The following TRIM14 variants were observed in gnomAD, a reference collection of about 807,000 sequenced individuals.
TRIM14 encodes tripartite motif containing 14.
In TRIM14, 28 loss-of-function variants were observed where a neutral mutation model predicts 44.5. The observed-to-expected ratio is 0.63, with a 90% confidence interval of 0.47 to 0.86. The LOEUF is 0.86. Ranked by LOEUF, TRIM14 falls within the 40% of genes least tolerant of loss-of-function variation. TRIM14 has a pLI of 0.00. For synonymous variants in TRIM14, 299 were observed against 269.2 expected (o/e 1.11, Z -1.08); for missense variants, 607 against 611.1 (o/e 0.99, Z 0.07).
intron 1 of TRIM14, among the ~76,000 whole-genome samples, chr9:98,112,850 A>G (rs1826902811): frequency 1.3e-5 from 2 of 149,572 alleles, no homozygotes; most frequent in Non-Finnish European, 3.0e-5. Context: ...GCGGTGGTTC[A>G]TGGCTGTAAT....
the TRIM14 span, among the ~76,000 whole-genome samples, chr9:98,036,260 G>GGAGGCC: frequency 1.3e-5 from 2 of 151,468 alleles, no homozygotes; most frequent in Admixed American, 6.6e-5. Flanking sequence ...CAGCACTTTG[G>GGAGGCC]GAGGCCGAGG....
At chr9:98,103,000 G>T (rs1044982683) in intron 2 of TRIM14, among the ~76,000 whole-genome samples, 1 of 151,914 alleles carries the variant, frequency 6.6e-6, no homozygotes, top group African/African-American at 2.4e-5. Context: ...GCCTGGCCAA[G>T]ATGGTGAAAC....
chr9:98,078,124 G>A, intron 6 of TRIM14: 1 of 1,597,050 alleles, frequency 6.3e-7, no homozygotes, highest in Non-Finnish European at 8.6e-7. Flanking sequence ...ACCAGCAGTT[G>A]GGATGTGTTG....
downstream of TRIM14, among the ~76,000 whole-genome samples, chr9:98,068,112 CTATT>C (rs1413027039): frequency 5.3e-5 from 8 of 152,062 alleles, no homozygotes; most frequent in African/African-American, 9.6e-5. Context: ...TTGTGTTTAT[CTATT>C]TATATGTTTA....
intron 6 of TRIM14, among the ~76,000 whole-genome samples, chr9:98,073,096 G>C (rs921358501): frequency 7.2e-5 from 11 of 151,934 alleles, no homozygotes; most frequent in Admixed American, 5.9e-4. Context: ...ACTCCTGAGG[G>C]ACATGCTCTC....
the TRIM14 span, among the ~76,000 whole-genome samples, chr9:98,062,048 C>G: frequency 2.0e-4 from 31 of 151,754 alleles, no homozygotes; most frequent in Admixed American, 4.6e-4. Context: ...ACAGGGAGAC[C>G]CTATCTCTAC....
chr9:98,044,724 A>G, the TRIM14 span, among the ~76,000 whole-genome samples: 1 of 152,066 alleles, frequency 6.6e-6, no homozygotes, highest in African/African-American at 2.4e-5. Flanking sequence ...TCATTTACCT[A>G]TGAAAACAAC....
chr9:98,117,573 G>A (rs1245705358), intron 1 of TRIM14, among the ~76,000 whole-genome samples: 3 of 152,250 alleles, frequency 2.0e-5, no homozygotes, highest in South Asian at 2.1e-4. Context: ...GGGATTACAG[G>A]CATGAGCCAC....
At chr9:98,056,774 A>C in the TRIM14 span, 1 of 1,605,034 alleles carries the variant, frequency 6.2e-7, no homozygotes, top group Non-Finnish European at 8.5e-7. Context: ...CCGGACCCAG[A>C]CTGGTAGTGA....
At chr9:98,096,065 A>T (rs893075046) in intron 3 of TRIM14, among the ~76,000 whole-genome samples, 1 of 152,196 alleles carries the variant, frequency 6.6e-6, no homozygotes, top group South Asian at 2.1e-4. Flanking sequence ...AAGGAAGATG[A>T]CTGCCTCAGG....
At chr9:98,099,407 G>A (rs749831445) in intron 3 of TRIM14, among the ~76,000 whole-genome samples, 81 of 142,896 alleles carry the variant, frequency 5.7e-4, no homozygotes, top group Admixed American at 1.3e-3. Context: ...AGCTGAGATC[G>A]CACCACTGTA....
At chr9:98,078,899 A>C (rs987989682) in intron 6 of TRIM14, among the ~76,000 whole-genome samples, 1 of 151,304 alleles carries the variant, frequency 6.6e-6, no homozygotes, top group African/African-American at 2.4e-5. Flanking sequence ...CCTTTTGGCT[A>C]TTGTGAATGA....
In TRIM14 at chr9:98,086,447, C is replaced by G. The variant is rs1825778918; in HGVS notation, c.*1023G>C. 6.6e-6 allele frequency: 1 copy of G among 152,282 alleles called. No homozygotes were observed. Among genetic ancestry groups the G allele is most frequent in the African/African-American group, 2.4e-5 (1 of 41,440 alleles). 9.4% of individuals were successfully genotyped at this position (152,282 alleles called of 1,614,324 possible). A position where few individuals can be genotyped will look rare whatever the true frequency, so the allele number is the denominator to read the frequency against. ...TCTGTTACTCAGTGATAGGCACCTGCTGGTTATTAATTCACTGCTTGGGAG... is the reference window on the plus strand; with the variant it reads ...TCTGTTACTCAGTGATAGGCACCTGGTGGTTATTAATTCACTGCTTGGGAG... On this transcript the variant is annotated 3_prime_UTR_variant, in exon 6 of 6. Transcript: ENST00000341469.
At chr9:98,051,879 A>C in the TRIM14 span, among the ~76,000 whole-genome samples, 3 of 146,390 alleles carry the variant, frequency 2.0e-5, no homozygotes, top group East Asian at 6.1e-4. Context: ...TCTTATGGGA[A>C]TCTCATATTT....
downstream of TRIM14, among the ~76,000 whole-genome samples, chr9:98,068,301 A>AT (rs1010115050): frequency 1.7e-4 from 26 of 150,858 alleles, 2 homozygotes; most frequent in East Asian, 4.1e-3. Context: ...TGCCCAGCTA[A>AT]TTTTTTTTTG....
intron 6 of TRIM14, chr9:98,069,777 C>G (rs1829257530): frequency 6.6e-6 from 1 of 152,254 alleles, no homozygotes; most frequent in Non-Finnish European, 1.5e-5. Flanking sequence ...AAAGGGGTGA[C>G]ATGAAAGATC....
At chr9:98,099,419 TCCGGC>T (rs1452852184) in intron 3 of TRIM14, among the ~76,000 whole-genome samples, 1 of 129,398 alleles carries the variant, frequency 7.7e-6, no homozygotes, top group East Asian at 2.4e-4. Context: ...ACCACTGTAC[TCCGGC>T]CTGGGCAACA....
chr9:98,040,511 G>A, the TRIM14 span, among the ~76,000 whole-genome samples: 2 of 151,738 alleles, frequency 1.3e-5, no homozygotes, highest in East Asian at 3.9e-4. Flanking sequence ...CTTAGCCCCC[G>A]GCATGCGCTC....
chr9:98,093,138 T>G (rs1406074127), intron 4 of TRIM14, among the ~76,000 whole-genome samples: 1 of 152,098 alleles, frequency 6.6e-6, no homozygotes, highest in Non-Finnish European at 1.5e-5. Context: ...AAATGACAGT[T>G]TCCTTCTGCG....
Sources: allele counts gnomAD v4.1 joint callset (sites outside exome capture counted in the v4.1 genomes callset), GRCh38; gene constraint gnomAD v4.1.1; transcripts MANE v1.5; gene names NCBI Gene and HGNC (gene_info 2026-07-23, HGNC 2026-07-21).